BACH2: variants seen among roughly 807,000 people sequenced by gnomAD.
BACH2 encodes the protein transcription regulator protein BACH2.
Under a neutral mutation model 61.8 loss-of-function variants are expected in BACH2, and 5 were observed. The ratio of observed to expected loss-of-function variants is 0.08; its 90% CI spans 0.04 to 0.17. BACH2 has a LOEUF of 0.17. BACH2 is among the 10% of genes least tolerant of loss of function. BACH2 has a pLI of 1.00. For synonymous variants in BACH2, 446 were observed against 440.1 expected (o/e 1.01, Z -0.17); for missense variants, 824 against 1,091.1 (o/e 0.76, Z 3.45).
chr6:90,271,545 AC>A (rs1771525428), intron 2 of BACH2, among the ~76,000 whole-genome samples: 1 of 152,122 alleles, frequency 6.6e-6, no homozygotes, highest in African/African-American at 2.4e-5. Flanking sequence ...AAGCTAATAA[AC>A]TAATTTAAAA....
At chr6:90,151,220 T>A (rs1784799494) in intron 4 of BACH2, among the ~76,000 whole-genome samples, 1 of 152,216 alleles carries the variant, frequency 6.6e-6, no homozygotes, top group Admixed American at 6.5e-5. Flanking sequence ...ATCTTCTGAA[T>A]GTTGTCTTTT....
intron 7 of BACH2, among the ~76,000 whole-genome samples, chr6:89,943,619 T>C (rs1773566483): frequency 1.3e-5 from 2 of 152,216 alleles, no homozygotes; most frequent in Admixed American, 6.5e-5. Context: ...GCTGTATCTA[T>C]CTCACCCAAC....
intron 4 of BACH2, among the ~76,000 whole-genome samples, chr6:90,092,270 A>G (rs1782189541): frequency 2.0e-5 from 2 of 100,010 alleles, no homozygotes; most frequent in East Asian, 2.4e-4. Flanking sequence ...CAATTGGCAC[A>G]CTGTCAAAGT....
chr6:89,990,024 T>G (rs1029620089), intron 6 of BACH2, among the ~76,000 whole-genome samples: 3 of 152,166 alleles, frequency 2.0e-5, no homozygotes, highest in Admixed American at 2.0e-4. Context: ...GCAAAAAATG[T>G]CTGGGAACCA....
At chr6:90,059,576 A>T (rs1562409891) in intron 5 of BACH2, among the ~76,000 whole-genome samples, 3 of 152,338 alleles carry the variant, frequency 2.0e-5, no homozygotes, top group African/African-American at 7.2e-5. Context: ...GTGATTCCTC[A>T]GGGATCTAGG....
At chr6:89,989,496 C>T (rs145707220) in intron 6 of BACH2, among the ~76,000 whole-genome samples, 113 of 152,254 alleles carry the variant, frequency 7.4e-4, no homozygotes, top group African/African-American at 2.6e-3. Flanking sequence ...AGAGAGAGGG[C>T]AAATCCACCT....
In BACH2 at chr6:90,168,402, C is replaced by T. The variant is rs1391334650; in HGVS notation, c.-162+38167G>A. 7.9e-5 allele frequency among the ~76,000 whole-genome samples: 12 copies of T among 152,180 alleles called. No individual in the cohort carries two copies. In the East Asian group the frequency reaches 2.3e-3, roughly 29 times the overall value. On this transcript the variant is annotated intron_variant, in intron 4 of 8. Coordinates refer to ENST00000257749, the MANE Select transcript of BACH2 (RefSeq NM_021813.4). ...GGATTGGTTAAAAAACATGGAAATT[C>T]AAACAATGGAAAACTATTCTGCCAT...
intron 6 of BACH2, among the ~76,000 whole-genome samples, chr6:89,963,906 C>T (rs1321905085): frequency 6.6e-6 from 1 of 152,196 alleles, no homozygotes; most frequent in South Asian, 2.1e-4. Context: ...CGTGTTCTAA[C>T]ATGGATGAAC....
chr6:90,204,629 T>G (rs1215972107), intron 4 of BACH2, among the ~76,000 whole-genome samples: 1 of 152,192 alleles, frequency 6.6e-6, no homozygotes, highest in Non-Finnish European at 1.5e-5. Context: ...ACATTAGATG[T>G]TGGGTTGCCC....
Position 89,954,791 on chromosome 6 carries a change from C to T in BACH2, c.244-2929G>A, listed in dbSNP as rs79308310. Among the ~76,000 whole-genome samples the T allele has an allele frequency of 8.6e-4, 131 of 152,226 alleles. 2 individuals carry two copies. The East Asian group carries it at 0.023, about 26-fold the overall frequency. ...CACAAATCAATGGCACTCCTTAGAT[C>T]ACTGAGGCTTAGGAAACTTCCTGAG... On this transcript the variant is annotated intron_variant, in intron 6 of 8. Transcript: ENST00000257749.
At chr6:90,049,399 G>A (rs1779931997) in intron 5 of BACH2, among the ~76,000 whole-genome samples, 1 of 152,214 alleles carries the variant, frequency 6.6e-6, no homozygotes, top group African/African-American at 2.4e-5. Flanking sequence ...CATTTAAACT[G>A]AGATCTCAAT....
intron 2 of BACH2, among the ~76,000 whole-genome samples, chr6:90,265,345 T>C (rs1004620081): frequency 5.3e-5 from 8 of 152,192 alleles, no homozygotes; most frequent in South Asian, 2.1e-4. Context: ...CTAAACCACT[T>C]TGGAGGGCAA....
At chr6:89,946,077 A>G (rs1021457982) in intron 7 of BACH2, among the ~76,000 whole-genome samples, 2 of 152,228 alleles carry the variant, frequency 1.3e-5, no homozygotes, top group African/African-American at 4.8e-5. Flanking sequence ...TAAATAAAGA[A>G]GCAGACTAAG....
intron 4 of BACH2, among the ~76,000 whole-genome samples, chr6:90,124,096 CAA>C (rs1783751596): frequency 6.6e-6 from 1 of 152,140 alleles, no homozygotes; most frequent in Non-Finnish European, 1.5e-5. Context: ...CCATGTTTTT[CAA>C]AGTCTCCCAT....
chr6:90,050,754 G>T (rs190116725), intron 5 of BACH2, among the ~76,000 whole-genome samples: 3 of 149,522 alleles, frequency 2.0e-5, no homozygotes, highest in African/African-American at 7.3e-5. Context: ...ATAAACGAAA[G>T]CTCTTTGGGG....
At chr6:90,026,634 A>G (rs1778650156) in intron 5 of BACH2, among the ~76,000 whole-genome samples, 2 of 152,320 alleles carry the variant, frequency 1.3e-5, no homozygotes, top group South Asian at 2.1e-4. Context: ...CTGCCTATAC[A>G]TAAAGAATAT....
chr6:90,137,167 A>T (rs560578260), intron 4 of BACH2, among the ~76,000 whole-genome samples: 1 of 152,310 alleles, frequency 6.6e-6, no homozygotes, highest in East Asian at 1.9e-4. Flanking sequence ...CCATTTTTAA[A>T]CCCAAGACAC....
intron 4 of BACH2, among the ~76,000 whole-genome samples, chr6:90,133,941 C>T (rs1275567721): frequency 6.6e-6 from 1 of 152,186 alleles, no homozygotes; most frequent in African/African-American, 2.4e-5. Flanking sequence ...CAGTCTATCA[C>T]TGTTGGACAT....
chr6:89,983,297 A>G (rs947766502), intron 6 of BACH2, among the ~76,000 whole-genome samples: 5 of 152,224 alleles, frequency 3.3e-5, no homozygotes, highest in Non-Finnish European at 7.3e-5. Context: ...AGCTCTGTGA[A>G]AAGGCAGGCA....
Sources: allele counts gnomAD v4.1 joint callset (sites outside exome capture counted in the v4.1 genomes callset), GRCh38; gene constraint gnomAD v4.1.1; transcripts MANE v1.5; gene names NCBI Gene and HGNC (gene_info 2026-07-23, HGNC 2026-07-21).